Variants in LRP1B observed in about 807,000 individuals in gnomAD.
LRP1B encodes the protein LDL receptor related protein 1B.
A neutral mutation model predicts 556.6 loss-of-function variants in LRP1B; 217 were observed. The ratio of observed to expected loss-of-function variants is 0.39; its 90% CI spans 0.35 to 0.44. The LOEUF is 0.44. LRP1B is among the 20% of genes least tolerant of loss of function. The probability of loss-of-function intolerance (pLI) is 1.00; values close to 1 mark genes in which losing one functional copy is unlikely to be tolerated. For missense variants in LRP1B, 5,053 were observed against 5,620.8 expected (o/e 0.90, Z 3.23); for synonymous variants, 2,047 against 1,865.8 (o/e 1.10, Z -2.50).
At chr2:142,119,173 G>A (rs1707370373) in intron 1 of LRP1B, among the ~76,000 whole-genome samples, 1 of 152,038 alleles carries the variant, frequency 6.6e-6, no homozygotes, top group African/African-American at 2.4e-5. Context: ...CCTAATGCAT[G>A]TTTAGTGTCT....
intron 43 of LRP1B, among the ~76,000 whole-genome samples, chr2:140,542,454 A>T (rs999927288): frequency 2.6e-5 from 4 of 152,160 alleles, no homozygotes; most frequent in Non-Finnish European, 5.9e-5. Flanking sequence ...ATGTCTGAGA[A>T]TAAAAGTTTA....
chr2:140,675,676 C>G (rs1481588732), intron 41 of LRP1B, among the ~76,000 whole-genome samples: 1 of 152,062 alleles, frequency 6.6e-6, no homozygotes, highest in African/African-American at 2.4e-5. Flanking sequence ...ACTCAGGAAG[C>G]TGAGGAGAAA....
At chr2:141,626,982 A>G (rs1688723078) in intron 2 of LRP1B, among the ~76,000 whole-genome samples, 1 of 152,242 alleles carries the variant, frequency 6.6e-6, no homozygotes, top group Non-Finnish European at 1.5e-5. Context: ...ATGTGCACAC[A>G]AAAGCCTAAA....
Position 140,908,094 on chromosome 2 carries a change from T to C in LRP1B, c.3320-17A>G. The C allele has an allele frequency of 6.3e-7, 1 of 1,599,774 alleles. No individual in the cohort carries two copies. The highest frequency in any genetic ancestry group is 1.1e-5 in the South Asian group (1 of 90,716). Reference sequence around the variant, plus strand: ...TGCATCTCCCTTAAGAAAACAGAAATAGTGTCAGTTTGATTTTTGTGATTA... The same window carrying C: ...TGCATCTCCCTTAAGAAAACAGAAACAGTGTCAGTTTGATTTTTGTGATTA... On this transcript the variant is annotated splice_polypyrimidine_tract_variant and intron_variant, in intron 21 of 90. Coordinates refer to ENST00000389484, the MANE Select transcript of LRP1B (RefSeq NM_018557.3).
Position 141,302,213 on chromosome 2 carries a change from T to C in LRP1B, c.344-47572A>G, listed in dbSNP as rs568775621. 2.6e-4 allele frequency among the ~76,000 whole-genome samples: 39 copies of C among 152,170 alleles called. 1 individual carries two copies. The South Asian group carries it at 7.9e-3, about 31-fold the overall frequency. On this transcript the variant is annotated intron_variant, in intron 3 of 90. Coordinates refer to ENST00000389484, the MANE Select transcript of LRP1B (RefSeq NM_018557.3). ...GTCATTCTGTTAAATATCTGGTATT[T>C]GAAATAGAATAAATATATAAATAAT...
Position 140,731,639 on chromosome 2 carries a change from G to T in LRP1B, c.5759-14823C>A, listed in dbSNP as rs193007754. ...AAAAATTAACTGGGCGTGGTGGCCC[G>T]TGCCTGTAGTCCCAGCTACTCAGGA... On this transcript the variant is annotated intron_variant, in intron 35 of 90. Transcript: ENST00000389484. Among the ~76,000 whole-genome samples the T allele has an allele frequency of 4.6e-5, 7 of 151,734 alleles. 1 individual carries two copies. Among genetic ancestry groups the T allele is most frequent in the African/African-American group, 1.7e-4 (7 of 41,454 alleles).
At chr2:142,054,576 C>G (rs1034702925) in intron 1 of LRP1B, among the ~76,000 whole-genome samples, 1 of 152,128 alleles carries the variant, frequency 6.6e-6, no homozygotes, top group Non-Finnish European at 1.5e-5. Flanking sequence ...CCACATTTCT[C>G]TATATACATG....
intron 3 of LRP1B, among the ~76,000 whole-genome samples, chr2:141,432,988 C>G (rs1680620809): frequency 6.6e-6 from 1 of 151,910 alleles, no homozygotes; most frequent in Non-Finnish European, 1.5e-5. Flanking sequence ...TGTAAGTTAT[C>G]TATGTGAGAC....
chr2:141,829,442 G>C (rs1697040704), intron 1 of LRP1B, among the ~76,000 whole-genome samples: 1 of 151,974 alleles, frequency 6.6e-6, no homozygotes, highest in African/African-American at 2.4e-5. Context: ...CTCTGACAAG[G>C]GACAAATTTG....
intron 22 of LRP1B, among the ~76,000 whole-genome samples, chr2:140,905,180 T>G (rs1441884461): frequency 6.6e-6 from 1 of 152,036 alleles, no homozygotes; most frequent in Non-Finnish European, 1.5e-5. Flanking sequence ...AACTGCAGAC[T>G]CTCAGCACAA....
At chr2:140,732,119 G>A (rs1261015574) in intron 35 of LRP1B, among the ~76,000 whole-genome samples, 2 of 151,672 alleles carry the variant, frequency 1.3e-5, no homozygotes, top group African/African-American at 4.8e-5. Context: ...GAAACAATCT[G>A]GTCATGAATT....
intron 2 of LRP1B, among the ~76,000 whole-genome samples, chr2:141,492,612 C>G (rs1292081907): frequency 2.6e-5 from 4 of 152,014 alleles, no homozygotes; most frequent in Non-Finnish European, 5.9e-5. Context: ...AGGGAGAGAC[C>G]TGATTAGCAT....
At chr2:141,055,410 A>G (rs1699152246) in intron 9 of LRP1B, 151 bp from the exon 10 acceptor site, 1 of 668,420 alleles carries the variant, frequency 1.5e-6, no homozygotes, top group African/African-American at 1.8e-5. Flanking sequence ...ATCGAATGCA[A>G]AAGAGTGTAA....
At position 141,810,364 on chromosome 2, in the gene LRP1B, G is replaced by A. The variant is rs1221072372; in HGVS notation, c.120C>T (p.His40=). The change falls in exon 2 of 91, where the codon CAC becomes CAT. Residue 40 remains histidine (H), a synonymous_variant. Coordinates refer to ENST00000389484, the MANE Select transcript of LRP1B (RefSeq NM_018557.3). ...TCTGGGAGACACAAGTCACGTGATCGTGGCAAAGAAATTCACCAGGATCAC... is the reference window on the plus strand; with the variant it reads ...TCTGGGAGACACAAGTCACGTGATCATGGCAAAGAAATTCACCAGGATCAC... ...QLCDPGEFLC[H]DHVTCVSQSW... is the part of the protein sequence containing the mutation. 2.2e-5 allele frequency: 36 copies of A among 1,612,910 alleles called. No individual in the cohort carries two copies. Among genetic ancestry groups the A allele is most frequent in the Middle Eastern group, 1.7e-4 (1 of 6,048 alleles).
chr2:141,042,319 G>A (rs1698726252), intron 11 of LRP1B, among the ~76,000 whole-genome samples: 1 of 152,066 alleles, frequency 6.6e-6, no homozygotes, highest in Non-Finnish European at 1.5e-5. Flanking sequence ...CGTTCCCTAA[G>A]CTCCAGATTC....
intron 1 of LRP1B, among the ~76,000 whole-genome samples, chr2:141,954,114 C>T (rs919774106): frequency 6.6e-6 from 1 of 152,030 alleles, no homozygotes. Context: ...AATTTGATGC[C>T]CAGCATCTAT....
At position 141,213,350 on chromosome 2, in the gene LRP1B, G is replaced by A. The variant is rs146852644; in HGVS notation, c.850+15833C>T. 3.9e-4 allele frequency among the ~76,000 whole-genome samples: 60 copies of A among 152,202 alleles called. 1 individual carries two copies. Among genetic ancestry groups the A allele is most frequent in the Non-Finnish European group, 4.9e-4 (33 of 68,000 alleles). ...TAAGATAATTATTTATCAAAGTAAC[G>A]TAATTATTCAGGTTCTGGTGGCAGC... On this transcript the variant is annotated intron_variant, in intron 6 of 90. Transcript: ENST00000389484.
chr2:141,440,418 C>T (rs1680919476), intron 3 of LRP1B, among the ~76,000 whole-genome samples: 1 of 152,360 alleles, frequency 6.6e-6, no homozygotes, highest in South Asian at 2.1e-4. Context: ...CTGCGGACCG[C>T]AGAGGAGCCA....
At chr2:140,429,014 C>T (rs1003501375) in intron 66 of LRP1B, among the ~76,000 whole-genome samples, 6 of 152,132 alleles carry the variant, frequency 3.9e-5, no homozygotes, top group African/African-American at 1.2e-4. Context: ...CTCTTGTATC[C>T]CCCCACCTTA....
Sources: allele counts gnomAD v4.1 joint callset (sites outside exome capture counted in the v4.1 genomes callset), GRCh38; gene constraint gnomAD v4.1.1; transcripts MANE v1.5; gene names NCBI Gene and HGNC (gene_info 2026-07-23, HGNC 2026-07-21).